The following USP50 variants were observed in gnomAD, a reference collection of about 807,000 sequenced individuals.
USP50 encodes ubiquitin carboxyl-terminal hydrolase 50.
USP50 carries 37 observed loss-of-function variants against 39.2 expected under a neutral mutation model. The observed-to-expected ratio is 0.94, with a 90% CI of 0.73 to 1.24. The LOEUF (loss-of-function observed/expected upper bound fraction) is 1.24, where lower values mean the gene tolerates loss of function less well. Among genes scored for constraint, USP50 ranks in the 50% most tolerant of loss-of-function variants. The pLI is 0.00. For missense variants in USP50, 374 were observed against 398.2 expected (o/e 0.94, Z 0.52); for synonymous variants, 139 against 144.5 (o/e 0.96, Z 0.27).
intron 6 of USP50, among the ~76,000 whole-genome samples, chr15:50,521,460 A>G (rs2052850105): frequency 6.6e-6 from 1 of 152,250 alleles, no homozygotes; most frequent in Admixed American, 6.5e-5. Flanking sequence ...GAAGATCTCA[A>G]CAATCTAACA....
At chr15:50,530,919 T>C (rs1333032310) in intron 5 of USP50, among the ~76,000 whole-genome samples, 4 of 152,200 alleles carry the variant, frequency 2.6e-5, no homozygotes, top group Admixed American at 2.6e-4. Flanking sequence ...GGCAATGTCC[T>C]GTTTTCAAGC....
At chr15:50,512,430 G>C (rs2052750641) in intron 6 of USP50, 1 of 152,188 alleles carries the variant, frequency 6.6e-6, no homozygotes, top group Non-Finnish European at 1.5e-5. Context: ...TTCTTTTGGG[G>C]ATAACGAAAA....
intron 5 of USP50, among the ~76,000 whole-genome samples, chr15:50,536,273 T>C (rs2052979392): frequency 1.3e-5 from 2 of 152,190 alleles, no homozygotes; most frequent in Admixed American, 6.5e-5. Flanking sequence ...TAAACAATTA[T>C]AGCAAGATTG....
At chr15:50,518,553 G>A (rs958885900) in intron 6 of USP50, among the ~76,000 whole-genome samples, 1 of 151,798 alleles carries the variant, frequency 6.6e-6, no homozygotes, top group African/African-American at 2.4e-5. Context: ...CATACCATGG[G>A]GAAAGGACAC....
intron 2 of USP50, chr15:50,544,002 C>T (rs2053051107): frequency 1.8e-6 from 1 of 563,632 alleles, no homozygotes; most frequent in Non-Finnish European, 3.2e-6. Context: ...TACTTCACCC[C>T]AGCTTGGGTG....
chr15:50,519,276 G>A (rs537321864), intron 6 of USP50, among the ~76,000 whole-genome samples: 1 of 151,984 alleles, frequency 6.6e-6, no homozygotes, highest in African/African-American at 2.4e-5. Flanking sequence ...AACAGAGCGA[G>A]ACTCTGTCTC....
chr15:50,520,327 G>C (rs1188955062), intron 6 of USP50, among the ~76,000 whole-genome samples: 1 of 150,458 alleles, frequency 6.6e-6, no homozygotes, highest in Non-Finnish European at 1.5e-5. Context: ...TTGAGATAGG[G>C]TTTCCCTCTG....
At chr15:50,535,134 G>GTC (rs1324141182) in intron 5 of USP50, among the ~76,000 whole-genome samples, 18 of 147,476 alleles carry the variant, frequency 1.2e-4, no homozygotes, top group Non-Finnish European at 1.6e-4. Context: ...GTGAAACTCT[G>GTC]TCACACACAC....
intron 6 of USP50, among the ~76,000 whole-genome samples, chr15:50,528,268 T>C (rs918059643): frequency 2.9e-5 from 4 of 136,882 alleles, no homozygotes; most frequent in Non-Finnish European, 6.3e-5. Context: ...ATTTCCATAC[T>C]GCACATAATT....
downstream of USP50, chr15:50,493,841 TTGA>T (rs1468354957): frequency 7.4e-6 from 5 of 672,224 alleles, no homozygotes; most frequent in East Asian, 8.7e-5. Context: ...CTGGAGCCTG[TTGA>T]TGATGAGGAG....
intron 6 of USP50, among the ~76,000 whole-genome samples, chr15:50,514,645 C>T (rs1276558643): frequency 1.3e-5 from 2 of 152,128 alleles, no homozygotes; most frequent in Non-Finnish European, 2.9e-5. Context: ...GATTCTTCCT[C>T]AGCCTCCCAA....
At chr15:50,538,043 G>A (rs1195468953) in intron 5 of USP50, among the ~76,000 whole-genome samples, 1 of 151,510 alleles carries the variant, frequency 6.6e-6, no homozygotes, top group African/African-American at 2.4e-5. Flanking sequence ...TTGGGAGACC[G>A]AGGTGGGTGG....
chr15:50,541,286 A>C, intron 3 of USP50, 22 bp from the exon 4 acceptor site: 1 of 1,587,766 alleles, frequency 6.3e-7, no homozygotes, highest in Non-Finnish European at 8.6e-7. Context: ...AGCAAATTTC[A>C]CCCAAATTAA....
chr15:50,542,823 G>T (rs1052140487), intron 3 of USP50, among the ~76,000 whole-genome samples: 11 of 152,080 alleles, frequency 7.2e-5, no homozygotes, highest in African/African-American at 2.7e-4. Flanking sequence ...ATGAAAAATG[G>T]AACTGAGATC....
intron 6 of USP50, chr15:50,509,064 C>G (rs1290358145): frequency 1.1e-5 from 1 of 93,284 alleles, no homozygotes; most frequent in African/African-American, 4.2e-5. Context: ...AACCCGGGGT[C>G]GGAGCTTGCA....
chr15:50,544,551 T>A, intron 2 of USP50, 36 bp downstream of exon 2: 1 of 1,552,878 alleles, frequency 6.4e-7, no homozygotes, highest in Non-Finnish European at 8.7e-7. Flanking sequence ...GAAGTGGGGG[T>A]GGGGGCTGGG....
At chr15:50,543,319 C>T (rs556420043) in intron 3 of USP50, among the ~76,000 whole-genome samples, 38 of 152,266 alleles carry the variant, frequency 2.5e-4, no homozygotes, top group South Asian at 1.7e-3. Context: ...ACTGGAAATG[C>T]CAAGTAAGCT....
chr15:50,542,093 A>T (rs1413417329), intron 3 of USP50, among the ~76,000 whole-genome samples: 1 of 151,824 alleles, frequency 6.6e-6, no homozygotes, highest in Non-Finnish European at 1.5e-5. Flanking sequence ...TTTCTAAGGC[A>T]GCCTGGTGGA....
At chr15:50,514,157 C>CA (rs947669079) in intron 6 of USP50, 6 of 151,956 alleles carry the variant, frequency 3.9e-5, no homozygotes, top group South Asian at 2.1e-4. Flanking sequence ...GAGCCAGACA[C>CA]AAAAAAAGGA....
Sources: allele counts gnomAD v4.1 joint callset (sites outside exome capture counted in the v4.1 genomes callset), GRCh38; gene constraint gnomAD v4.1.1; transcripts MANE v1.5; gene names NCBI Gene and HGNC (gene_info 2026-07-23, HGNC 2026-07-21).